Variants in POU2F2 observed in about 807,000 individuals in gnomAD.
POU2F2 encodes POU domain, class 2, transcription factor 2.
Under a neutral mutation model 63.5 loss-of-function variants are expected in POU2F2, and 14 were observed. The ratio of observed to expected loss-of-function variants is 0.22; its 90% CI spans 0.15 to 0.34. POU2F2 has a LOEUF of 0.34. Among genes scored for constraint, POU2F2 ranks in the 10% least tolerant of loss-of-function variants. The pLI is 1.00. For synonymous variants in POU2F2, 306 were observed against 348.6 expected, an observed-to-expected ratio of 0.88 and a Z score of 1.36; for missense variants, 607 against 815.2, an observed-to-expected ratio of 0.74 and a Z score of 3.11.
intron 2 of POU2F2, among the ~76,000 whole-genome samples, chr19:42,139,075 G>A (rs946118151): frequency 1.3e-5 from 2 of 152,174 alleles, no homozygotes; most frequent in African/African-American, 2.4e-5. Flanking sequence ...CCAGCACTTT[G>A]CAAGGTCGAC....
At chr19:42,093,805 T>A (rs2076822068) in intron 12 of POU2F2, 24 bp downstream of exon 12, 1 of 1,593,228 alleles carries the variant, frequency 6.3e-7, no homozygotes, top group African/African-American at 1.3e-5. Context: ...CAGTCCCCCC[T>A]CACCATTTTC....
intron 1 of POU2F2, among the ~76,000 whole-genome samples, chr19:42,173,743 C>T (rs762592282): frequency 2.0e-5 from 3 of 152,034 alleles, no homozygotes; most frequent in Non-Finnish European, 2.9e-5. Flanking sequence ...GGGAAGTGAG[C>T]GCAACCAAGA....
chr19:42,173,225 G>C (rs1035935511), intron 1 of POU2F2, among the ~76,000 whole-genome samples: 1 of 152,144 alleles, frequency 6.6e-6, no homozygotes, highest in Admixed American at 6.5e-5. Context: ...CTTCACACTT[G>C]GGTTTCTCAA....
At chr19:42,181,902 A>G (rs545319899) in intron 1 of POU2F2, among the ~76,000 whole-genome samples, 2 of 152,292 alleles carry the variant, frequency 1.3e-5, no homozygotes, top group Admixed American at 6.5e-5. Context: ...ATACCTTTAG[A>G]TAGATGCATT....
chr19:42,123,328 C>CA (rs1484643402), intron 1 of POU2F2: 1 of 152,230 alleles, frequency 6.6e-6, no homozygotes, highest in African/African-American at 2.4e-5. Flanking sequence ...AATACAACCC[C>CA]ATTCTATAGC....
intron 1 of POU2F2, among the ~76,000 whole-genome samples, chr19:42,186,646 C>T (rs2035015804): frequency 6.6e-6 from 1 of 151,936 alleles, no homozygotes; most frequent in Non-Finnish European, 1.5e-5. Context: ...GCAGGAAAAA[C>T]CAGGAAGCTA....
intron 2 of POU2F2, among the ~76,000 whole-genome samples, chr19:42,160,067 C>T (rs1015476902): frequency 1.3e-5 from 2 of 152,124 alleles, no homozygotes; most frequent in African/African-American, 4.8e-5. Context: ...CGAGTTACCC[C>T]CATCTCTCTC....
chr19:42,161,980 G>C (rs893467833), intron 1 of POU2F2, among the ~76,000 whole-genome samples: 3 of 152,216 alleles, frequency 2.0e-5, no homozygotes, highest in Non-Finnish European at 2.9e-5. Context: ...TCGCCTTGCC[G>C]ATTCCCAGTC....
intron 5 of POU2F2, 94 bp from the exon 6 acceptor site, chr19:42,099,915 G>C: frequency 9.9e-7 from 1 of 1,011,912 alleles, no homozygotes; most frequent in Non-Finnish European, 1.5e-6. Context: ...CTGAAACCAG[G>C]AAGCTGCTCC....
rs1285809012 is a variant in POU2F2 at position 42,169,731 on chromosome 19, T to G, written c.-70+6232A>C. Among the ~76,000 whole-genome samples the G allele has an allele frequency of 6.6e-6, 1 of 152,130 alleles. No homozygotes were observed. The highest frequency in any genetic ancestry group is 1.5e-5 in the Non-Finnish European group (1 of 68,012). ...TACGTGGCCTCTCTAGTTTGGCGAA[T>G]GAGTGCGCGCACACGTGTGTGTGTG... On this transcript the variant is annotated intron_variant, in intron 1 of 6. Coordinates refer to the POU2F2 transcript ENST00000524801. This position sits in a 1 kb window ranked among gnomAD's most constrained non-coding sequence, Gnocchi z 4.3.
upstream of POU2F2, among the ~76,000 whole-genome samples, chr19:42,197,210 A>G (rs955279484): frequency 5.3e-5 from 8 of 151,922 alleles, no homozygotes; most frequent in African/African-American, 1.9e-4. Context: ...TCACTAAGGT[A>G]CTCTCCATCT....
chr19:42,126,166 C>A (rs542350915), intron 1 of POU2F2, among the ~76,000 whole-genome samples: 1 of 152,130 alleles, frequency 6.6e-6, no homozygotes, highest in African/African-American at 2.4e-5. Context: ...GAAGAGGGGG[C>A]GGGCGCGGTG....
intron 2 of POU2F2, among the ~76,000 whole-genome samples, chr19:42,139,703 G>A (rs920086265): frequency 8.5e-5 from 13 of 152,122 alleles, no homozygotes; most frequent in African/African-American, 2.9e-4. Context: ...GCCTCCCAAA[G>A]TGCTGGAATT....
At chr19:42,102,863 G>C (rs1013947033) in intron 5 of POU2F2, among the ~76,000 whole-genome samples, 1 of 151,996 alleles carries the variant, frequency 6.6e-6, no homozygotes, top group Non-Finnish European at 1.5e-5. Context: ...AAGCAAAACC[G>C]CTTTACACAC....
At chr19:42,194,039 T>C (rs1225089893) in intron 1 of POU2F2, among the ~76,000 whole-genome samples, 1 of 152,186 alleles carries the variant, frequency 6.6e-6, no homozygotes. Flanking sequence ...ATTCCATTTA[T>C]ATTATGTTCA....
chr19:42,167,873 G>A (rs913909009), intron 1 of POU2F2, among the ~76,000 whole-genome samples: 2 of 152,186 alleles, frequency 1.3e-5, no homozygotes, highest in African/African-American at 4.8e-5. Flanking sequence ...AGCCCTCGGA[G>A]TCCCTTGACA....
At chr19:42,102,337 C>G (rs2077174987) in intron 5 of POU2F2, among the ~76,000 whole-genome samples, 1 of 152,150 alleles carries the variant, frequency 6.6e-6, no homozygotes, top group Non-Finnish European at 1.5e-5. Context: ...AAAAGGGACA[C>G]CAGGGGGCTT....
At chr19:42,143,382 C>A (rs1016379227) in intron 2 of POU2F2, among the ~76,000 whole-genome samples, 25 of 152,186 alleles carry the variant, frequency 1.6e-4, no homozygotes, top group African/African-American at 5.8e-4. Context: ...TTAAACTGTA[C>A]ATTAACGTCT....
intron 7 of POU2F2, among the ~76,000 whole-genome samples, chr19:42,097,531 C>T (rs950424503): frequency 1.7e-4 from 25 of 151,208 alleles, no homozygotes; most frequent in Non-Finnish European, 2.7e-4. Flanking sequence ...TAAGGACAGC[C>T]GAGTGCAATG....
Sources: gnomAD v4.1 joint callset for allele counts (sites outside exome capture counted in the v4.1 genomes callset) on GRCh38, gnomAD v4.1.1 for gene constraint, Gnocchi (gnomAD v3.1) non-coding constraint, MANE v1.5 for transcripts, NCBI Gene and HGNC (gene_info 2026-07-23, HGNC 2026-07-21) for gene names.